The following NSD1 variants were observed in gnomAD, a reference collection of about 807,000 sequenced individuals.
The protein encoded by NSD1 is histone-lysine N-methyltransferase, H3 lysine-36 specific.
In NSD1, 26 loss-of-function variants were observed where a neutral mutation model predicts 242.7. That is an observed-to-expected ratio of 0.11 (90% CI 0.08 to 0.15). The LOEUF (loss-of-function observed/expected upper bound fraction) is 0.15, where lower values mean the gene tolerates loss of function less well. Ranked by LOEUF, NSD1 falls within the 10% of genes least tolerant of loss-of-function variation. The pLI, the probability that NSD1 is intolerant of heterozygous loss-of-function variation, is 1.00. For missense variants in NSD1, 2,495 were observed against 3,272.8 expected (o/e 0.76, Z 5.80); for synonymous variants, 1,106 against 1,178.1 (o/e 0.94, Z 1.25).
chr5:177,246,369 A>G (rs974154170), intron 9 of NSD1, among the ~76,000 whole-genome samples: 1 of 152,168 alleles, frequency 6.6e-6, no homozygotes, highest in African/African-American at 2.4e-5. Flanking sequence ...TTTCCCCTTC[A>G]TCTATAGGAT....
At position 177,294,073 on chromosome 5, in the gene NSD1, C is replaced by T. The variant is rs1760074427; in HGVS notation, c.6705C>T (p.His2235=). Residue 2235 remains histidine (H), a synonymous_variant, in exon 23 of 23, where the codon CAC becomes CAT. Coordinates refer to ENST00000439151, the MANE Select transcript of NSD1 (RefSeq NM_022455.5). The part of the protein sequence containing the change: ...PVPLPPGPST[H]LAEQSTGMAA... The stretch of plus-strand genomic sequence containing the variant: ...CGCTGCCTCCAGGGCCAAGCACTCA[C>T]CTGGCAGAGCAATCAACAGGAATGG... 1.2e-6 allele frequency: 2 copies of T among 1,614,106 alleles called. No homozygotes were observed. The highest frequency in any genetic ancestry group is 1.7e-6 in the Non-Finnish European group (2 of 1,180,046).
intron 1 of NSD1, 69 bp from the exon 2 acceptor site, chr5:177,135,018 C>T: frequency 7.2e-7 from 1 of 1,380,876 alleles, no homozygotes; most frequent in Non-Finnish European, 1.0e-6. Context: ...CTTGAAGTGG[C>T]TGCCATTTTA....
intron 5 of NSD1, among the ~76,000 whole-genome samples, chr5:177,223,139 G>C (rs1764369118): frequency 6.7e-6 from 1 of 149,976 alleles, no homozygotes. Flanking sequence ...ATGCAACCCA[G>C]AGCCGGATCT....
intron 14 of NSD1, 134 bp from the exon 15 acceptor site, chr5:177,267,428 T>A (rs1757582546): frequency 1.3e-6 from 1 of 770,736 alleles, no homozygotes; most frequent in Admixed American, 2.1e-5. Flanking sequence ...GGTCATTATG[T>A]GTCACTGATA....
rs35597015 is a variant in NSD1, at chr5:177,211,670, C to A, written c.3271C>A (p.Leu1091Ile). 306 of 1,613,960 alleles carry A rather than the reference C, an allele frequency of 1.9e-4. No individual in the cohort carries two copies. Among genetic ancestry groups the A allele is most frequent in the Non-Finnish European group, 2.4e-4 (287 of 1,180,030 alleles). The change falls in exon 5 of 23, where the codon CTT becomes ATT. Residue 1091 changes from leucine (L) to isoleucine (I), a missense_variant. Physicochemically the swap from Leu to Ile is conservative, Grantham distance 5 (BLOSUM62 2). Around this residue, in one of 19 missense-constraint regions of NSD1, gnomAD observed 426 missense variants for 411.4 expected, o/e 1.04. Transcript: ENST00000439151. ...AGAAGATCCTAGTAAAGAGGATCCC[C>A]TTCAGATAATGGGCCACTTAACAAG... is the stretch of plus-strand genomic sequence containing the variant. ...GAEDPSKEDP[L>I]QIMGHLTSED...
At chr5:177,158,015 T>C (rs1350097348) in intron 2 of NSD1, among the ~76,000 whole-genome samples, 1 of 152,252 alleles carries the variant, frequency 6.6e-6, no homozygotes, top group Non-Finnish European at 1.5e-5. Context: ...GACGGACATT[T>C]TGTTTCTTCC....
At chr5:177,196,953 A>G (rs1251941605) in intron 3 of NSD1, among the ~76,000 whole-genome samples, 1 of 152,230 alleles carries the variant, frequency 6.6e-6, no homozygotes, top group South Asian at 2.1e-4. Context: ...ATACATACCT[A>G]TTATAAAGTA....
chr5:177,191,976 G>C lies in NSD1; in HGVS notation c.1020G>C (p.Arg340Ser). ...KFKRRPWWPC[R>S]ICSDPLINTH... ...AGAGACGCCCATGGTGGCCCTGCAG[G>C]ATTTGTTCTGATCCGTTGATTAACA... The change falls in exon 3 of 23, where the codon AGG becomes AGC. Residue 340 changes from arginine to serine, a missense_variant. This residue lies in a region of NSD1 where 65 missense variants were observed against 136.2 expected (regional missense o/e 0.48). Coordinates refer to ENST00000439151, the MANE Select transcript of NSD1 (RefSeq NM_022455.5). The C allele has an allele frequency of 6.2e-7, 1 of 1,614,128 alleles. No homozygotes were observed. The highest frequency in any genetic ancestry group is 1.7e-5 in the Admixed American group (1 of 60,002).
intron 2 of NSD1, among the ~76,000 whole-genome samples, chr5:177,187,100 CTTTT>C (rs11285630): frequency 1.3e-5 from 1 of 76,518 alleles, no homozygotes. Context: ...TGTGACTTAA[CTTTT>C]TTTTTTTTTT....
At chr5:177,290,032 GTTA>G (rs1759675261) in intron 21 of NSD1, among the ~76,000 whole-genome samples, 2 of 151,572 alleles carry the variant, frequency 1.3e-5, no homozygotes, top group South Asian at 4.2e-4. Context: ...TTTCACTGTT[GTTA>G]GCCAGGTTGG....
chr5:177,255,917 A>G (rs1756411471), intron 12 of NSD1, among the ~76,000 whole-genome samples: 1 of 152,234 alleles, frequency 6.6e-6, no homozygotes, highest in Non-Finnish European at 1.5e-5. Context: ...ACACCAGGGT[A>G]GAACAATGTA....
chr5:177,237,184 C>T (rs993438463), intron 6 of NSD1, among the ~76,000 whole-genome samples: 2 of 152,098 alleles, frequency 1.3e-5, no homozygotes, highest in Non-Finnish European at 2.9e-5. Flanking sequence ...AGATCTTTAC[C>T]TATATCAATA....
intron 18 of NSD1, among the ~76,000 whole-genome samples, chr5:177,281,041 A>AC (rs1758835760): frequency 6.6e-6 from 1 of 152,194 alleles, no homozygotes; most frequent in Non-Finnish European, 1.5e-5. Context: ...GATCATGGTC[A>AC]CTGTGTAGGA....
chr5:177,282,834 A>G (rs1045606382), intron 19 of NSD1, among the ~76,000 whole-genome samples: 1 of 152,088 alleles, frequency 6.6e-6, no homozygotes, highest in Admixed American at 6.6e-5. Flanking sequence ...ATCTTTGAGT[A>G]TTTTTTCTAC....
chr5:177,227,896 C>T lies in NSD1; in HGVS notation c.3797-7925C>T, dbSNP rs145561895. Reference sequence around the variant, plus strand: ...CCAGGAGGCAGAGGTTGCAGTGAGCCGAGATTGTGCCATTGTACTCTACCC... The same window carrying T: ...CCAGGAGGCAGAGGTTGCAGTGAGCTGAGATTGTGCCATTGTACTCTACCC... On this transcript the variant is annotated intron_variant, in intron 5 of 22. Coordinates refer to ENST00000439151, the MANE Select transcript of NSD1 (RefSeq NM_022455.5). Among the ~76,000 whole-genome samples, 1,279 of 150,122 alleles carry T rather than the reference C, an allele frequency of 8.5e-3. 23 individuals carry two copies. Among genetic ancestry groups the T allele is most frequent in the African/African-American group, 0.03 (1,223 of 40,772 alleles).
chr5:177,204,309 G>C lies in NSD1; in HGVS notation c.1236+17G>C, dbSNP rs886038671. 5.0e-6 allele frequency: 8 copies of C among 1,609,444 alleles called. No individual in the cohort carries two copies. Among genetic ancestry groups the C allele is most frequent in the African/African-American group, 1.3e-5 (1 of 74,788 alleles). The stretch of plus-strand genomic sequence containing the variant: ...AGGCATAAGGTAGGAAACGAAAAAG[G>C]CTTTTTATTGAGTGACAGAAGCAAG... On this transcript the variant is annotated intron_variant, in intron 4 of 22. Coordinates refer to ENST00000439151, the MANE Select transcript of NSD1 (RefSeq NM_022455.5).
In NSD1 at chr5:177,296,098, T is replaced by C. The variant is rs1023801808; in HGVS notation, c.*639T>C. 7.9e-6 allele frequency: 2 copies of C among 251,674 alleles called. No individual in the cohort carries two copies. The highest frequency in any genetic ancestry group is 2.2e-5 in the African/African-American group (1 of 45,572). The allele number at this position is 251,674 out of a possible 1,614,324, so 15.6% of individuals were successfully genotyped here. A position where few individuals can be genotyped will look rare whatever the true frequency, so the allele number is the denominator to read the frequency against. ...GAAGTGGTTGTGTTGAGGAAGTGTC[T>C]CTTGGCTGCGGTGTGCATGGGTGCG... On this transcript the variant is annotated 3_prime_UTR_variant, in exon 23 of 23. Coordinates refer to ENST00000439151, the MANE Select transcript of NSD1 (RefSeq NM_022455.5).
In NSD1 at chr5:177,136,153, T is replaced by TTTCATAAGCTTTGGGCA. The variant is rs1756312235; in HGVS notation, c.927+123_927+124insTTCATAAGCTTTGGGCA. ...CAGTTCACAGCTGAAATCCTATTGCTAATCATAAGCTTTGGGCAAAATTTT... is the reference window on the plus strand; with the variant it reads ...CAGTTCACAGCTGAAATCCTATTGCTTTCATAAGCTTTGGGCAAATCATAAGCTTTGGGCAAAATTTT... On this transcript the variant is annotated intron_variant, in intron 2 of 22. Transcript: ENST00000439151. 15 of 855,134 alleles carry TTTCATAAGCTTTGGGCA rather than the reference T, an allele frequency of 1.8e-5. No homozygotes were observed. In the South Asian group the frequency reaches 2.2e-4, roughly 12 times the overall value. The allele number at this position is 855,134 out of a possible 1,614,324, so 53.0% of individuals were successfully genotyped here. A position where few individuals can be genotyped will look rare whatever the true frequency, so the allele number is the denominator to read the frequency against.
chr5:177,224,595 A>G (rs1394543640), intron 5 of NSD1, among the ~76,000 whole-genome samples: 1 of 151,224 alleles, frequency 6.6e-6, no homozygotes, highest in Admixed American at 6.7e-5. Context: ...GTTTGTTAGT[A>G]ATAGTATTTT....
Sources: allele counts gnomAD v4.1 joint callset (sites outside exome capture counted in the v4.1 genomes callset), GRCh38; gene constraint gnomAD v4.1.1; regional missense constraint gnomAD v4.1.1; transcripts MANE v1.5; gene names NCBI Gene and HGNC (gene_info 2026-07-23, HGNC 2026-07-21).